The following MEF2B variants were observed in gnomAD, a reference collection of about 807,000 sequenced individuals.
MEF2B encodes the protein myocyte-specific enhancer factor 2B.
Under a neutral mutation model 32.2 loss-of-function variants are expected in MEF2B, and 15 were observed. The ratio of observed to expected loss-of-function variants is 0.47; its 90% confidence interval spans 0.31 to 0.72. The LOEUF is 0.72. Ranked by LOEUF, MEF2B falls within the 30% of genes least tolerant of loss-of-function variation. The pLI is 0.05. For missense variants in MEF2B, 441 were observed against 511.5 expected (o/e 0.86, Z 1.33); for synonymous variants, 205 against 225.6 (o/e 0.91, Z 0.82).
At chr19:19,169,896 T>G (rs1176748315) in intron 1 of MEF2B, among the ~76,000 whole-genome samples, 1 of 152,054 alleles carries the variant, frequency 6.6e-6, no homozygotes, top group Non-Finnish European at 1.5e-5. Flanking sequence ...AGACACATAA[T>G]AGGGCCTCAC....
At chr19:19,149,459 GAGA>G (rs760614236) in intron 2 of MEF2B, 30 bp from the exon 3 acceptor site, 23 of 1,613,298 alleles carry the variant, frequency 1.4e-5, no homozygotes, top group African/African-American at 4.0e-5. Flanking sequence ...GGGCAGGGGA[GAGA>G]AGAAGAAGAG....
intron 1 of MEF2B, among the ~76,000 whole-genome samples, chr19:19,152,380 C>CAAA (rs749560348): frequency 8.8e-6 from 1 of 113,368 alleles, no homozygotes; most frequent in Non-Finnish European, 1.8e-5. Context: ...GACTCTGTCT[C>CAAA]AAAAAAAAAA....
In MEF2B at chr19:19,162,031, C is replaced by T. The variant is rs2060168065; in HGVS notation, c.-30+8174G>A. Among the ~76,000 whole-genome samples the T allele has an allele frequency of 2.6e-5, 4 of 152,170 alleles. No homozygotes were observed. In the South Asian group the frequency reaches 8.3e-4, roughly 32 times the overall value. ...CCATGTTGGCCAGGCTGGTCTTGAA[C>T]TCCTGGCCTCATGTGATCTGCCTAC... On this transcript the variant is annotated intron_variant, in intron 1 of 8. Coordinates refer to ENST00000424583, the MANE Select transcript of MEF2B (RefSeq NM_001145785.2).
intron 1 of MEF2B, among the ~76,000 whole-genome samples, chr19:19,155,927 C>T (rs918085783): frequency 8.5e-5 from 13 of 152,126 alleles, no homozygotes; most frequent in South Asian, 2.1e-4. Context: ...ATCTGCCCAG[C>T]GCAGAAGCAC....
At chr19:19,166,580 A>ACCC (rs113540011) in intron 1 of MEF2B, among the ~76,000 whole-genome samples, 16 of 136,166 alleles carry the variant, frequency 1.2e-4, no homozygotes, top group Admixed American at 6.0e-4. Context: ...ACATAGGGAG[A>ACCC]CCCCCCCATC....
chr19:19,146,457 G>A, intron 7 of MEF2B, 73 bp from the exon 8 acceptor site: 2 of 1,315,294 alleles, frequency 1.5e-6, no homozygotes, highest in Non-Finnish European at 2.0e-6. Context: ...CACCCCCAGT[G>A]ACAGTTTTGA....
intron 1 of MEF2B, among the ~76,000 whole-genome samples, chr19:19,152,648 G>T (rs1225394811): frequency 6.6e-6 from 1 of 152,204 alleles, no homozygotes; most frequent in East Asian, 1.9e-4. Flanking sequence ...AGGTTGCAGT[G>T]AGCCGAGATC....
chr19:19,162,288 A>G (rs573933582), intron 1 of MEF2B, among the ~76,000 whole-genome samples: 1 of 152,100 alleles, frequency 6.6e-6, no homozygotes, highest in African/African-American at 2.4e-5. Flanking sequence ...TAACCAGACT[A>G]TGCCAGGCTA....
chr19:19,154,652 C>T (rs2060108422), intron 1 of MEF2B, among the ~76,000 whole-genome samples: 1 of 151,624 alleles, frequency 6.6e-6, no homozygotes, highest in Admixed American at 6.6e-5. Flanking sequence ...CCAAGTTGGC[C>T]AGGCTGATCT....
In MEF2B at chr19:19,145,698, T is replaced by A. The variant is rs1461243291; in HGVS notation, c.*99A>T. 6.4e-7 allele frequency: 1 copy of A among 1,553,592 alleles called. No individual in the cohort carries two copies. Among genetic ancestry groups the A allele is most frequent in the Admixed American group, 2.0e-5 (1 of 50,984 alleles). On this transcript the variant is annotated 3_prime_UTR_variant, in exon 9 of 9. Coordinates refer to ENST00000424583, the MANE Select transcript of MEF2B (RefSeq NM_001145785.2). The surrounding 1 kb of genome is among the most constrained non-coding windows in gnomAD (Gnocchi z 4.6). ...CCCCCACCGCGGAGGGGGGCGTCAC[T>A]GTTGGGTCTTCTCTGAAGAGGCCTG...
chr19:19,170,201 G>T lies in MEF2B; in HGVS notation c.-30+4C>A, dbSNP rs1302178529. On this transcript the variant is annotated splice_donor_region_variant and intron_variant, in intron 1 of 8. Coordinates refer to ENST00000424583, the MANE Select transcript of MEF2B (RefSeq NM_001145785.2). ...CAGGAGTCTCAACCCGATATGACAC[G>T]CACCTGCTCGGCCTGGGCCCTGGGA... 5.0e-6 allele frequency: 2 copies of T among 398,354 alleles called. No individual in the cohort carries two copies. The highest frequency in any genetic ancestry group is 1.3e-4 in the South Asian group (1 of 7,862). 24.7% of individuals were successfully genotyped at this position (398,354 alleles called of 1,614,324 possible).
Position 19,150,776 on chromosome 19 carries a change from A to C in MEF2B, c.-29-12T>G, listed in dbSNP as rs1041820886. On this transcript the variant is annotated splice_polypyrimidine_tract_variant and intron_variant, in intron 1 of 8. Coordinates refer to ENST00000424583, the MANE Select transcript of MEF2B (RefSeq NM_001145785.2). ...GGAATGATCTTTGTCTAGGAGGAGA[A>C]GAGGGAGAGGACAGAGTGAGTGGGT... is the stretch of plus-strand genomic sequence containing the variant. The C allele has an allele frequency of 6.2e-7, 1 of 1,614,058 alleles. No individual in the cohort carries two copies. Among genetic ancestry groups the C allele is most frequent in the Non-Finnish European group, 8.5e-7 (1 of 1,179,980 alleles).
At chr19:19,157,602 C>T (rs1016361671) in intron 1 of MEF2B, among the ~76,000 whole-genome samples, 1 of 152,212 alleles carries the variant, frequency 6.6e-6, no homozygotes, top group Non-Finnish European at 1.5e-5. Flanking sequence ...AATCCCAGCA[C>T]TTTGGGAGGC....
chr19:19,154,720 A>G (rs2060108800), intron 1 of MEF2B, among the ~76,000 whole-genome samples: 1 of 152,250 alleles, frequency 6.6e-6, no homozygotes, highest in Non-Finnish European at 1.5e-5. Context: ...CTGGGATTCC[A>G]GGCGTGAGCC....
intron 1 of MEF2B, among the ~76,000 whole-genome samples, chr19:19,159,341 AG>A (rs2060142878): frequency 6.6e-6 from 1 of 150,568 alleles, no homozygotes; most frequent in Non-Finnish European, 1.5e-5. Context: ...GGATCACGTG[AG>A]CCCAGGAGAT....
chr19:19,145,710 T>C lies in MEF2B; in HGVS notation c.*87A>G, dbSNP rs1181618200. 3 of 1,555,392 alleles carry C rather than the reference T, an allele frequency of 1.9e-6. No individual in the cohort carries two copies. The highest frequency in any genetic ancestry group is 1.7e-4 in the Middle Eastern group (1 of 5,990). ...AGGGGGGCGTCACTGTTGGGTCTTC[T>C]CTGAAGAGGCCTGGAGGGAGGTGGG... On this transcript the variant is annotated 3_prime_UTR_variant, in exon 9 of 9. Transcript: ENST00000424583. The surrounding 1 kb of genome is among the most constrained non-coding windows in gnomAD (Gnocchi z 4.6).
Position 19,146,229 on chromosome 19 carries a change from G to C in MEF2B, c.881+44C>G, listed in dbSNP as rs2060024935. On this transcript the variant is annotated intron_variant, in intron 8 of 8. Coordinates refer to ENST00000424583, the MANE Select transcript of MEF2B (RefSeq NM_001145785.2). ...GGCCACCAGGGGTCAGCAGCGGCCG[G>C]GGCTTTGGAGGACTGGGACTTGCCG... 3.3e-6 allele frequency: 3 copies of C among 922,006 alleles called. No individual in the cohort carries two copies. The South Asian group carries it at 6.9e-5, about 21-fold the overall frequency. 57.1% of individuals were successfully genotyped at this position (922,006 alleles called of 1,614,324 possible).
intron 1 of MEF2B, among the ~76,000 whole-genome samples, chr19:19,161,285 A>T (rs544289115): frequency 6.6e-6 from 1 of 152,058 alleles, no homozygotes; most frequent in South Asian, 2.1e-4. Context: ...ACAGGGGCGG[A>T]TGGGGTTGGG....
chr19:19,158,748 A>G (rs2060138046), intron 1 of MEF2B, among the ~76,000 whole-genome samples: 1 of 151,572 alleles, frequency 6.6e-6, no homozygotes, highest in Non-Finnish European at 1.5e-5. Context: ...ACACAGCCAG[A>G]CGCTGTCTCA....
Sources: gnomAD v4.1 joint callset for allele counts (sites outside exome capture counted in the v4.1 genomes callset) on GRCh38, gnomAD v4.1.1 for gene constraint, Gnocchi (gnomAD v3.1) non-coding constraint, MANE v1.5 for transcripts, NCBI Gene and HGNC (gene_info 2026-07-23, HGNC 2026-07-21) for gene names.